The following TSHZ1 variants were observed in gnomAD, a reference collection of about 807,000 sequenced individuals.
TSHZ1 encodes teashirt zinc finger homeobox 1.
In TSHZ1, 12 loss-of-function variants were observed where a neutral mutation model predicts 67.1. The observed-to-expected ratio is 0.18, with a 90% CI of 0.11 to 0.29. The LOEUF (loss-of-function observed/expected upper bound fraction) is 0.29, where lower values mean the gene tolerates loss of function less well. TSHZ1 is among the 10% of genes least tolerant of loss of function. The pLI is 1.00. For synonymous variants in TSHZ1, 632 were observed against 622.4 expected (o/e 1.02, Z -0.23); for missense variants, 1,305 against 1,413.9 (o/e 0.92, Z 1.23).
At chr18:75,245,764 C>G (rs2023213866) in intron 1 of TSHZ1, among the ~76,000 whole-genome samples, 1 of 152,168 alleles carries the variant, frequency 6.6e-6, no homozygotes, top group South Asian at 2.1e-4. Flanking sequence ...ATTTCTCCAT[C>G]CACAGCTTTG....
intron 1 of TSHZ1, among the ~76,000 whole-genome samples, chr18:75,235,606 C>G (rs1034610395): frequency 1.3e-5 from 2 of 152,006 alleles, no homozygotes; most frequent in Non-Finnish European, 2.9e-5. Flanking sequence ...CTAAGAAGGT[C>G]CTTAAGGTAA....
chr18:75,272,933 A>G (rs530329825), intron 1 of TSHZ1, among the ~76,000 whole-genome samples: 239 of 152,318 alleles, frequency 1.6e-3, no homozygotes, highest in African/African-American at 5.1e-3. Context: ...GATTCCAAAC[A>G]TCCAAATTTG....
intron 1 of TSHZ1, among the ~76,000 whole-genome samples, chr18:75,249,228 C>T (rs965547476): frequency 2.6e-5 from 4 of 152,186 alleles, no homozygotes; most frequent in Admixed American, 6.5e-5. Context: ...GGTCTTCCTG[C>T]AACTCCTCTG....
At chr18:75,230,291 C>T (rs900316991) in intron 1 of TSHZ1, among the ~76,000 whole-genome samples, 2 of 152,160 alleles carry the variant, frequency 1.3e-5, no homozygotes, top group Non-Finnish European at 2.9e-5. Flanking sequence ...AGCTCCTGTC[C>T]GTCCTGGAGT....
intron 1 of TSHZ1, among the ~76,000 whole-genome samples, chr18:75,242,748 G>A (rs2023172137): frequency 6.6e-6 from 1 of 152,226 alleles, no homozygotes; most frequent in Non-Finnish European, 1.5e-5. Flanking sequence ...GACTTAAAGT[G>A]AGAGAGGGTT....
intron 1 of TSHZ1, among the ~76,000 whole-genome samples, chr18:75,271,050 T>C (rs572658944): frequency 1.5e-4 from 23 of 152,244 alleles, no homozygotes; most frequent in Non-Finnish European, 3.1e-4. Context: ...TTGTTTCTTA[T>C]GCCCCATGAA....
intron 1 of TSHZ1, among the ~76,000 whole-genome samples, chr18:75,250,499 T>G (rs549230868): frequency 2.6e-5 from 4 of 152,262 alleles, no homozygotes; most frequent in South Asian, 4.1e-4. Flanking sequence ...CGCGTGGACG[T>G]GGACGGGGCG....
intron 1 of TSHZ1, among the ~76,000 whole-genome samples, chr18:75,217,283 G>A (rs1440888015): frequency 6.6e-6 from 1 of 152,194 alleles, no homozygotes; most frequent in Non-Finnish European, 1.5e-5. Flanking sequence ...GAACACTTGC[G>A]ATAATCATTT....
At chr18:75,265,805 AT>A (rs1312078316) in intron 1 of TSHZ1, among the ~76,000 whole-genome samples, 8 of 151,890 alleles carry the variant, frequency 5.3e-5, no homozygotes, top group African/African-American at 1.9e-4. Flanking sequence ...TGAATTTACT[AT>A]TTCCCCCCCT....
intron 1 of TSHZ1, among the ~76,000 whole-genome samples, chr18:75,278,270 G>A (rs1291242590): frequency 6.9e-6 from 1 of 144,804 alleles, no homozygotes; most frequent in African/African-American, 2.5e-5. Flanking sequence ...GGGTTGGAGG[G>A]GGGCTGGCTT....
rs1006394704 is a variant in TSHZ1, at chr18:75,259,518, G to A, written c.41-25930G>A. On this transcript the variant is annotated intron_variant, in intron 1 of 1. Transcript: ENST00000580243. ...CCAGACTGTAGATGCCACTTGCCCC[G>A]GTTAGTCACTTAGTAACTGTCTTGG... Among the ~76,000 whole-genome samples the A allele has an allele frequency of 3.3e-5, 5 of 152,032 alleles. No homozygotes were observed. In the South Asian group the frequency reaches 6.2e-4, roughly 19 times the overall value.
In TSHZ1 at chr18:75,288,026, G is replaced by A; in HGVS notation, c.2619G>A (p.Glu873=). 2 of 1,614,136 alleles carry A rather than the reference G, an allele frequency of 1.2e-6. No homozygotes were observed. The highest frequency in any genetic ancestry group is 2.2e-5 in the South Asian group (2 of 91,086). ...CCGATGCTGATGGCAGCAGCTTTGA[G>A]GAGGCGTTGGACGAGCTGTCACCGG... ...EKSDADGSSF[E]EALDELSPVH... is the part of the protein sequence containing the mutation. The change falls in exon 2 of 2, where the codon GAG becomes GAA. Residue 873 remains glutamate (E), a synonymous_variant. Transcript: ENST00000580243. The surrounding 1 kb of genome is among the most constrained non-coding windows in gnomAD (Gnocchi z 4.9).
At chr18:75,230,991 T>TG (rs1342570408) in intron 1 of TSHZ1, among the ~76,000 whole-genome samples, 2 of 152,190 alleles carry the variant, frequency 1.3e-5, no homozygotes, top group African/African-American at 4.8e-5. Flanking sequence ...AGTTCCCTTG[T>TG]GGGGAAAAAC....
Position 75,288,287 on chromosome 18 carries a change from A to T in TSHZ1, c.2880A>T (p.Leu960=). The change falls in exon 2 of 2, where the codon CTA becomes CTT. Residue 960 remains leucine (L), a synonymous_variant. Coordinates refer to ENST00000580243, the MANE Select transcript of TSHZ1 (RefSeq NM_001308210.2). This position sits in a 1 kb window ranked among gnomAD's most constrained non-coding sequence, Gnocchi z 4.9. ...QLRRTGGTKF[L]KNLDTGHPVF... is the part of the protein sequence containing the mutation. ...GGAGGACAGGGGGAACGAAATTCCTAAAGAACCTGGACACAGGGCATCCTG... is the reference window on the plus strand; with the variant it reads ...GGAGGACAGGGGGAACGAAATTCCTTAAGAACCTGGACACAGGGCATCCTG... The T allele has an allele frequency of 3.7e-6, 6 of 1,614,182 alleles. No individual in the cohort carries two copies. The highest frequency in any genetic ancestry group is 5.1e-6 in the Non-Finnish European group (6 of 1,180,038).
At chr18:75,238,002 G>A (rs148712297) in intron 1 of TSHZ1, among the ~76,000 whole-genome samples, 2,523 of 152,120 alleles carry the variant, frequency 0.017, 46 homozygotes, top group African/African-American at 0.047. Flanking sequence ...AGTAGAGACG[G>A]GGTTTCTCCA....
intron 1 of TSHZ1, among the ~76,000 whole-genome samples, chr18:75,235,391 C>G (rs936477020): frequency 1.3e-5 from 2 of 152,148 alleles, no homozygotes; most frequent in African/African-American, 4.8e-5. Flanking sequence ...AGCTCTATAC[C>G]TGCAGAGAGG....
At chr18:75,235,848 C>T (rs1188991406) in intron 1 of TSHZ1, among the ~76,000 whole-genome samples, 3 of 152,200 alleles carry the variant, frequency 2.0e-5, no homozygotes, top group Non-Finnish European at 4.4e-5. Context: ...CTTGCCTCTG[C>T]CTCCTCCAGC....
At chr18:75,231,158 C>T (rs532575352) in intron 1 of TSHZ1, among the ~76,000 whole-genome samples, 2 of 152,316 alleles carry the variant, frequency 1.3e-5, no homozygotes, top group African/African-American at 2.4e-5. Context: ...GCACACGAGG[C>T]GCTGTAGGTG....
At chr18:75,234,216 A>G (rs749437722) in intron 1 of TSHZ1, among the ~76,000 whole-genome samples, 1 of 152,198 alleles carries the variant, frequency 6.6e-6, no homozygotes, top group Non-Finnish European at 1.5e-5. Flanking sequence ...GAAACGGGGC[A>G]GCCTGGGAGC....
Sources: gnomAD v4.1 joint callset for allele counts (sites outside exome capture counted in the v4.1 genomes callset) on GRCh38, gnomAD v4.1.1 for gene constraint, Gnocchi (gnomAD v3.1) non-coding constraint, MANE v1.5 for transcripts, NCBI Gene and HGNC (gene_info 2026-07-23, HGNC 2026-07-21) for gene names.